The following KCNB2 variants were observed in gnomAD, a reference collection of about 807,000 sequenced individuals.
The protein encoded by KCNB2 is potassium voltage-gated channel subfamily B member 2.
In KCNB2, 15 loss-of-function variants were observed where a neutral mutation model predicts 61.5. The ratio of observed to expected loss-of-function variants is 0.24; its 90% CI spans 0.16 to 0.38. KCNB2 has a LOEUF of 0.38. Ranked by LOEUF, KCNB2 falls within the 10% of genes least tolerant of loss-of-function variation. KCNB2 has a pLI of 1.00. For missense variants in KCNB2, 828 were observed against 1,125.2 expected (o/e 0.74, Z 3.78); for synonymous variants, 457 against 446.0 (o/e 1.02, Z -0.31).
intron 2 of KCNB2, among the ~76,000 whole-genome samples, chr8:72,851,513 G>A (rs1438951281): frequency 6.6e-6 from 1 of 152,076 alleles, no homozygotes; most frequent in East Asian, 1.9e-4. Context: ...CAGAGCCAGA[G>A]CTCTCCTCCA....
At chr8:72,754,111 A>G (rs10957614) in intron 2 of KCNB2, among the ~76,000 whole-genome samples, 21,550 of 152,114 alleles carry the variant, frequency 0.14, 1,845 homozygotes, top group South Asian at 0.31. Context: ...TCTGAACTGG[A>G]GCTATCAAGT....
Position 72,560,166 on chromosome 8 carries a change from A to G in KCNB2, c.-93-7476A>G, listed in dbSNP as rs145642328. ...TATTTTTACTATGAGACAGAGCCCAACTGAGAAATAGTCCTTGTACATGAA... is the reference window on the plus strand; with the variant it reads ...TATTTTTACTATGAGACAGAGCCCAGCTGAGAAATAGTCCTTGTACATGAA... On this transcript the variant is annotated intron_variant, in intron 1 of 2. Transcript: ENST00000523207. Among the ~76,000 whole-genome samples, 26 of 152,322 alleles carry G rather than the reference A, an allele frequency of 1.7e-4. No homozygotes were observed. In the East Asian group the frequency reaches 4.6e-3, roughly 27 times the overall value.
At chr8:72,601,301 G>T (rs1321805660) in intron 2 of KCNB2, among the ~76,000 whole-genome samples, 1 of 152,110 alleles carries the variant, frequency 6.6e-6, no homozygotes, top group African/African-American at 2.4e-5. Context: ...TGATTTCAAA[G>T]ACAAAACTTT....
At chr8:72,632,287 A>G (rs1805894518) in intron 2 of KCNB2, among the ~76,000 whole-genome samples, 1 of 152,090 alleles carries the variant, frequency 6.6e-6, no homozygotes, top group South Asian at 2.1e-4. Context: ...CAAAAGACGA[A>G]TATTATTTCA....
chr8:72,567,796 C>T lies in KCNB2; in HGVS notation c.62C>T (p.Pro21Leu), dbSNP rs1443059636. The T allele has an allele frequency of 1.2e-6, 2 of 1,611,396 alleles. No homozygotes were observed. The highest frequency in any genetic ancestry group is 1.7e-6 in the Non-Finnish European group (2 of 1,179,150). ...RKTSRSTLSL[P>L]PEPVDIIRSK... ...ACTTCAAGGTCGACACTTTCCCTTC[C>T]TCCAGAGCCTGTGGACATTATCCGG... is the stretch of plus-strand genomic sequence containing the variant. Residue 21 changes from proline (P) to leucine (L), a missense_variant, in exon 2 of 3, where the codon CCT becomes CTT. By Grantham distance (98) the Pro-to-Leu change is moderately conservative. Coordinates refer to ENST00000523207, the MANE Select transcript of KCNB2 (RefSeq NM_004770.3).
chr8:72,677,151 A>G (rs148881963), intron 2 of KCNB2, among the ~76,000 whole-genome samples: 1,593 of 152,284 alleles, frequency 0.01, 18 homozygotes, highest in Middle Eastern at 0.031. Context: ...TCATGCTGCC[A>G]CAAGCCAGGC....
At chr8:72,820,525 A>G (rs1809479853) in intron 2 of KCNB2, among the ~76,000 whole-genome samples, 1 of 151,900 alleles carries the variant, frequency 6.6e-6, no homozygotes, top group Non-Finnish European at 1.5e-5. Flanking sequence ...CATTGCCTTT[A>G]TCTGTCTTTC....
At chr8:72,599,860 TG>T (rs1212793193) in intron 2 of KCNB2, among the ~76,000 whole-genome samples, 1 of 152,200 alleles carries the variant, frequency 6.6e-6, no homozygotes, top group Non-Finnish European at 1.5e-5. Context: ...TCATCATCAC[TG>T]GCCATCAGAG....
At chr8:72,934,361 G>A (rs1321102169) in intron 2 of KCNB2, among the ~76,000 whole-genome samples, 1 of 114,122 alleles carries the variant, frequency 8.8e-6, no homozygotes, top group Non-Finnish European at 1.7e-5. Context: ...CAGCCTGGAT[G>A]ACAGAACAAA....
At chr8:72,781,300 T>C (rs1429639735) in intron 2 of KCNB2, among the ~76,000 whole-genome samples, 1 of 152,214 alleles carries the variant, frequency 6.6e-6, no homozygotes, top group African/African-American at 2.4e-5. Context: ...CGTGCCTATG[T>C]CCTGAATGTA....
chr8:72,707,408 G>A (rs907759444), intron 2 of KCNB2, among the ~76,000 whole-genome samples: 2 of 152,082 alleles, frequency 1.3e-5, no homozygotes, highest in Middle Eastern at 3.2e-3. Flanking sequence ...CTCCTTTAAC[G>A]ACCTGATCAT....
intron 2 of KCNB2, among the ~76,000 whole-genome samples, chr8:72,635,970 G>A (rs746941644): frequency 4.6e-5 from 7 of 152,154 alleles, no homozygotes; most frequent in Non-Finnish European, 8.8e-5. Context: ...GACACATTGG[G>A]AAGAGTAGTA....
intron 2 of KCNB2, among the ~76,000 whole-genome samples, chr8:72,624,177 T>C (rs187750824): frequency 6.6e-6 from 1 of 152,370 alleles, no homozygotes; most frequent in Admixed American, 6.5e-5. Context: ...TTTACAAATA[T>C]ATGCTAAGTT....
chr8:72,839,860 G>A (rs1255686321), intron 2 of KCNB2, among the ~76,000 whole-genome samples: 6 of 151,422 alleles, frequency 4.0e-5, no homozygotes, highest in East Asian at 1.9e-4. Context: ...TGATCCACCC[G>A]CCTCCGCCTC....
At chr8:72,762,882 A>AATATATATATATATATATATATAT (rs10551590) in intron 2 of KCNB2, among the ~76,000 whole-genome samples, 10 of 141,618 alleles carry the variant, frequency 7.1e-5, no homozygotes, top group African/African-American at 2.6e-4. Context: ...CATATTAACA[A>AATATATATATATATATATATATAT]ATATATATAT....
chr8:72,787,168 A>T (rs1808856649), intron 2 of KCNB2, among the ~76,000 whole-genome samples: 1 of 152,092 alleles, frequency 6.6e-6, no homozygotes, highest in Admixed American at 6.6e-5. Flanking sequence ...TGAGATGAAA[A>T]CCTCAAATAT....
intron 2 of KCNB2, among the ~76,000 whole-genome samples, chr8:72,585,162 G>A (rs1204987540): frequency 1.3e-5 from 2 of 152,060 alleles, no homozygotes; most frequent in Admixed American, 6.6e-5. Flanking sequence ...ACTAAATAAG[G>A]GGTTTTTTTT....
intron 2 of KCNB2, among the ~76,000 whole-genome samples, chr8:72,905,921 A>G (rs1806169367): frequency 6.6e-6 from 1 of 152,158 alleles, no homozygotes; most frequent in African/African-American, 2.4e-5. Flanking sequence ...GGAGTTTAGA[A>G]TCCCTCAGGG....
intron 2 of KCNB2, among the ~76,000 whole-genome samples, chr8:72,770,941 C>G (rs1426557191): frequency 1.3e-5 from 2 of 152,204 alleles, no homozygotes; most frequent in African/African-American, 2.4e-5. Context: ...TTGCACTGTT[C>G]TTGTATTGCT....
Sources: allele counts gnomAD v4.1 joint callset (sites outside exome capture counted in the v4.1 genomes callset), GRCh38; gene constraint gnomAD v4.1.1; transcripts MANE v1.5; gene names NCBI Gene and HGNC (gene_info 2026-07-23, HGNC 2026-07-21).